ZFHX3: variants seen among roughly 807,000 people sequenced by gnomAD.
The protein encoded by ZFHX3 is zinc finger homeobox 3.
In ZFHX3, 42 loss-of-function variants were observed where a neutral mutation model predicts 279.1. The ratio of observed to expected loss-of-function variants is 0.15; its 90% CI spans 0.12 to 0.19. The LOEUF is 0.19. Among genes scored for constraint, ZFHX3 ranks in the 10% least tolerant of loss-of-function variants. The pLI, the probability that ZFHX3 is intolerant of heterozygous loss-of-function variation, is 1.00. For synonymous variants in ZFHX3, 2,293 were observed against 1,957.8 expected, an observed-to-expected ratio of 1.17 and a Z score of -4.52; for missense variants, 4,981 against 4,754.0, an observed-to-expected ratio of 1.05 and a Z score of -1.40.
chr16:73,272,918 T>A (rs1348401764), intron 4 of ZFHX3, among the ~76,000 whole-genome samples: 1 of 152,072 alleles, frequency 6.6e-6, no homozygotes, highest in Non-Finnish European at 1.5e-5. Flanking sequence ...GGCTAATTTT[T>A]AAATTTTTTG....
chr16:72,983,416 G>A (rs1962696256), intron 1 of ZFHX3, among the ~76,000 whole-genome samples: 1 of 152,222 alleles, frequency 6.6e-6, no homozygotes, highest in South Asian at 2.1e-4. Context: ...GGTCGACAGA[G>A]AAGGCCTAGG....
chr16:73,885,535 T>C (rs1019423320), intron 1 of ZFHX3, among the ~76,000 whole-genome samples: 1 of 152,144 alleles, frequency 6.6e-6, no homozygotes, highest in Non-Finnish European at 1.5e-5. Flanking sequence ...AGTGTGATGA[T>C]CTACTTCTTT....
chr16:73,599,732 TA>T (rs67036720), intron 2 of ZFHX3, among the ~76,000 whole-genome samples: 2 of 144,214 alleles, frequency 1.4e-5, no homozygotes, highest in Admixed American at 6.9e-5. Context: ...AAAATGTCAT[TA>T]AAAAAAAAAA....
At chr16:73,183,343 C>G (rs1967842967) in intron 5 of ZFHX3, among the ~76,000 whole-genome samples, 1 of 151,936 alleles carries the variant, frequency 6.6e-6, no homozygotes, top group African/African-American at 2.4e-5. Context: ...TATAAAAATG[C>G]AAAAAATAAA....
intron 5 of ZFHX3, among the ~76,000 whole-genome samples, chr16:73,244,295 G>T (rs534345861): frequency 4.0e-4 from 61 of 152,246 alleles, no homozygotes; most frequent in African/African-American, 1.4e-3. Context: ...GTAATCAAAG[G>T]GGTGGGCGGA....
intron 5 of ZFHX3, among the ~76,000 whole-genome samples, chr16:72,822,797 T>C (rs1030480966): frequency 0.033 from 554 of 16,786 alleles, 3 homozygotes; most frequent in Non-Finnish European, 0.043. Context: ...GAAAGTGAGT[T>C]TTTTTTTTTT....
At chr16:73,805,154 T>C (rs1340271286) in intron 1 of ZFHX3, among the ~76,000 whole-genome samples, 2 of 152,096 alleles carry the variant, frequency 1.3e-5, no homozygotes, top group Non-Finnish European at 2.9e-5. Flanking sequence ...ATATATTCGT[T>C]ATATTTTTAT....
intron 5 of ZFHX3, among the ~76,000 whole-genome samples, chr16:73,169,665 G>GA (rs1967473006): frequency 6.9e-6 from 1 of 145,410 alleles, no homozygotes. Context: ...TCTCAAAAAA[G>GA]GAAAAAAAAA....
intron 1 of ZFHX3, among the ~76,000 whole-genome samples, chr16:73,810,620 G>A (rs1006116409): frequency 1.3e-5 from 2 of 151,988 alleles, no homozygotes; most frequent in African/African-American, 4.8e-5. Context: ...ATAAATTATG[G>A]CATTTATTAT....
At chr16:73,127,746 C>G in intron 7 of ZFHX3, 1 of 643,194 alleles carries the variant, frequency 1.6e-6, no homozygotes, top group South Asian at 1.9e-5. Flanking sequence ...GAAAGTTGGA[C>G]AATGCCTGGT....
intron 2 of ZFHX3, among the ~76,000 whole-genome samples, chr16:73,564,194 T>C (rs1312216741): frequency 6.6e-6 from 1 of 152,152 alleles, no homozygotes; most frequent in African/African-American, 2.4e-5. Flanking sequence ...GTTCAGCCTC[T>C]CCCTATCCTG....
intron 2 of ZFHX3, among the ~76,000 whole-genome samples, chr16:73,469,088 TA>T (rs1458826876): frequency 1.1e-4 from 16 of 152,188 alleles, no homozygotes; most frequent in African/African-American, 3.9e-4. Context: ...AGGCCACTGT[TA>T]AAATGCAGGA....
intron 3 of ZFHX3, among the ~76,000 whole-genome samples, chr16:72,916,172 T>A (rs540476225): frequency 6.6e-6 from 1 of 152,198 alleles, no homozygotes; most frequent in Non-Finnish European, 1.5e-5. Flanking sequence ...GACTCTTCAC[T>A]TCCCCCCCCT....
chr16:73,391,451 C>CAAA (rs111841761), intron 3 of ZFHX3, among the ~76,000 whole-genome samples: 99 of 147,912 alleles, frequency 6.7e-4, no homozygotes, highest in East Asian at 1.6e-3. Flanking sequence ...AACTCTGTCT[C>CAAA]AAAAAAAAAA....
chr16:72,791,114 C>T (rs2035681550), intron 9 of ZFHX3: 2 of 152,166 alleles, frequency 1.3e-5, no homozygotes, highest in South Asian at 4.2e-4. Flanking sequence ...CACACTGACC[C>T]TGTGGGATTA....
intron 1 of ZFHX3, among the ~76,000 whole-genome samples, chr16:72,990,901 A>ACT (rs894237510): frequency 6.6e-6 from 1 of 151,858 alleles, no homozygotes; most frequent in Non-Finnish European, 1.5e-5. Flanking sequence ...AATCGCTTAA[A>ACT]CTCGGGAGGC....
intron 1 of ZFHX3, among the ~76,000 whole-genome samples, chr16:73,801,473 C>A (rs1207314222): frequency 2.0e-5 from 3 of 152,194 alleles, no homozygotes; most frequent in Admixed American, 2.0e-4. Context: ...GCAACTAATT[C>A]TGCCAGCCAG....
At chr16:72,895,926 C>A (rs2038889084) in intron 3 of ZFHX3, among the ~76,000 whole-genome samples, 1 of 152,212 alleles carries the variant, frequency 6.6e-6, no homozygotes, top group Non-Finnish European at 1.5e-5. Context: ...CAGATAGCAC[C>A]TGCAAAAGAC....
intron 3 of ZFHX3, among the ~76,000 whole-genome samples, chr16:72,931,786 T>C (rs957152220): frequency 1.2e-4 from 19 of 152,148 alleles, no homozygotes; most frequent in Non-Finnish European, 1.0e-4. Flanking sequence ...CCACGGACAC[T>C]GTGGTTTTCG....
Sources: gnomAD v4.1 joint callset for allele counts (sites outside exome capture counted in the v4.1 genomes callset) on GRCh38, gnomAD v4.1.1 for gene constraint, MANE v1.5 for transcripts, NCBI Gene and HGNC (gene_info 2026-07-23, HGNC 2026-07-21) for gene names.